LMAN2: variants seen among roughly 807,000 people sequenced by gnomAD.
LMAN2 encodes the protein lectin, mannose binding 2.
Under a neutral mutation model 39.3 loss-of-function variants are expected in LMAN2, and 22 were observed. The ratio of observed to expected loss-of-function variants is 0.56; its 90% confidence interval spans 0.40 to 0.80. The LOEUF is 0.80. LMAN2 is among the 30% of genes least tolerant of loss of function. LMAN2 has a pLI of 0.00. For synonymous variants in LMAN2, 207 were observed against 207.8 expected (o/e 1.00, Z 0.03); for missense variants, 494 against 505.4 (o/e 0.98, Z 0.22).
At chr5:177,338,808 A>G (rs2127315769) in intron 2 of LMAN2, among the ~76,000 whole-genome samples, 1 of 152,346 alleles carries the variant, frequency 6.6e-6, no homozygotes, top group East Asian at 1.9e-4. Flanking sequence ...GTTGGGCACC[A>G]GGTGAGGTGG....
intron 2 of LMAN2, among the ~76,000 whole-genome samples, chr5:177,345,371 TTCAATG>T (rs1761618620): frequency 6.7e-6 from 1 of 148,168 alleles, no homozygotes. Context: ...AAGCCACTCT[TTCAATG>T]TCAATGTGTA....
intron 2 of LMAN2, among the ~76,000 whole-genome samples, chr5:177,341,841 C>T (rs372895333): frequency 2.4e-3 from 364 of 152,290 alleles, no homozygotes; most frequent in South Asian, 9.5e-3. Context: ...AGGATCCTTG[C>T]ACTGTCCAGG....
Position 177,334,176 on chromosome 5 carries a change from C to T in LMAN2, c.910+108G>A, listed in dbSNP as rs982140522. 6.0e-6 allele frequency: 9 copies of T among 1,490,660 alleles called. No individual in the cohort carries two copies. The East Asian group carries it at 9.3e-5, about 15-fold the overall frequency. 92.3% of individuals were successfully genotyped at this position (1,490,660 alleles called of 1,614,324 possible). ...GACCGGGCTGATCCAAGAGCCCAGA[C>T]CACAACCACCACAACCACGACTGGA... On this transcript the variant is annotated intron_variant, in intron 7 of 7. Coordinates refer to ENST00000303127, the MANE Select transcript of LMAN2 (RefSeq NM_006816.3).
intron 2 of LMAN2, among the ~76,000 whole-genome samples, chr5:177,347,440 G>A (rs1393151086): frequency 6.6e-6 from 1 of 152,202 alleles, no homozygotes; most frequent in African/African-American, 2.4e-5. Context: ...CTGCAGATTA[G>A]TAGAGACATA....
Position 177,346,239 on chromosome 5 carries a change from G to A in LMAN2, c.315+4934C>T, listed in dbSNP as rs1446800373. The A allele has an allele frequency of 1.9e-5, 4 of 210,258 alleles. No homozygotes were observed. The East Asian group carries it at 3.0e-4, about 16-fold the overall frequency. 13.0% of individuals were successfully genotyped at this position (210,258 alleles called of 1,614,324 possible). A position where few individuals can be genotyped will look rare whatever the true frequency, so the allele number is the denominator to read the frequency against. ...TCAAAGTGAAAAGACCAGCTGGAAC[G>A]CCTATCAAGGCTTCGAGAATCACCA... On this transcript the variant is annotated intron_variant, in intron 2 of 7. Transcript: ENST00000303127.
At chr5:177,346,724 A>C (rs538637153) in intron 2 of LMAN2, among the ~76,000 whole-genome samples, 1 of 151,468 alleles carries the variant, frequency 6.6e-6, no homozygotes, top group South Asian at 2.1e-4. Flanking sequence ...CTGGTTTTGA[A>C]CTCCTTGACT....
chr5:177,341,367 T>TA (rs35086925), intron 2 of LMAN2, among the ~76,000 whole-genome samples: 4 of 151,340 alleles, frequency 2.6e-5, no homozygotes, highest in South Asian at 2.1e-4. Flanking sequence ...CGCCCGGCCA[T>TA]AAAAAAAATA....
intron 2 of LMAN2, among the ~76,000 whole-genome samples, chr5:177,349,166 C>A (rs1172752964): frequency 6.6e-6 from 1 of 152,140 alleles, no homozygotes; most frequent in Non-Finnish European, 1.5e-5. Context: ...AGCCACCAGG[C>A]ACTTAAGAGT....
At chr5:177,341,452 CG>C (rs1757055089) in intron 2 of LMAN2, among the ~76,000 whole-genome samples, 3 of 152,218 alleles carry the variant, frequency 2.0e-5, no homozygotes, top group Admixed American at 2.0e-4. Flanking sequence ...GCCTGACACC[CG>C]GCTTCACGGC....
At chr5:177,339,676 T>C (rs575293971) in intron 2 of LMAN2, among the ~76,000 whole-genome samples, 1 of 152,092 alleles carries the variant, frequency 6.6e-6, no homozygotes, top group African/African-American at 2.4e-5. Flanking sequence ...AAAAGACCAT[T>C]AACGTCCAAT....
At chr5:177,335,221 G>A (rs1241416333) in intron 6 of LMAN2, among the ~76,000 whole-genome samples, 2 of 152,236 alleles carry the variant, frequency 1.3e-5, no homozygotes, top group South Asian at 2.1e-4. Context: ...CACAGCCCTT[G>A]GAGACGGCGA....
chr5:177,348,494 C>T (rs974913861), intron 2 of LMAN2, among the ~76,000 whole-genome samples: 1 of 152,018 alleles, frequency 6.6e-6, no homozygotes, highest in East Asian at 1.9e-4. Flanking sequence ...GGAGACCAGC[C>T]TCGCAAACAT....
Position 177,334,344 on chromosome 5 carries a change from C to A in LMAN2, c.850G>T (p.Glu284Ter), listed in dbSNP as rs1161652078. The change falls in exon 7 of 8, where the codon GAG (glutamate) becomes TAG (stop). Residue 284 changes from glutamate (E) to a stop codon, truncating the protein, a stop_gained. Transcript: ENST00000303127. LOFTEE classifies it high-confidence loss of function. ...ATCTTGGTCCAGTCGATGCTCTCCT[C>A]GTCGGGCGTGTGCTCCACCATCAGC... ...FQLMVEHTPD[E>*]ESIDWTKIEP... The A allele has an allele frequency of 1.2e-6, 2 of 1,613,630 alleles. No homozygotes were observed. The highest frequency in any genetic ancestry group is 1.7e-6 in the Non-Finnish European group (2 of 1,180,018).
Position 177,331,992 on chromosome 5 carries a change from A to G in LMAN2, c.*94T>C. On this transcript the variant is annotated 3_prime_UTR_variant, in exon 8 of 8. Transcript: ENST00000303127. ...ATCATTTATTTGAAACAGTTAAGAA[A>G]TAAGGTCATCTTGTTGTTCTTTTAT... 1.6e-6 allele frequency: 2 copies of G among 1,283,060 alleles called. No homozygotes were observed. 79.5% of individuals were successfully genotyped at this position (1,283,060 alleles called of 1,614,324 possible). A position where few individuals can be genotyped will look rare whatever the true frequency, so the allele number is the denominator to read the frequency against.
chr5:177,338,724 C>A lies in LMAN2; in HGVS notation c.316-119G>T, dbSNP rs140560961. 1.2e-4 allele frequency: 90 copies of A among 780,078 alleles called. 2 individuals carry two copies. The highest frequency in any genetic ancestry group is 3.4e-4 in the African/African-American group (20 of 58,850). 48.3% of individuals were successfully genotyped at this position (780,078 alleles called of 1,614,324 possible). A position where few individuals can be genotyped will look rare whatever the true frequency, so the allele number is the denominator to read the frequency against. On this transcript the variant is annotated intron_variant, in intron 2 of 7. Transcript: ENST00000303127. ...TCTTCTCTCCCCAGCTAAGACTGGG[C>A]ACTCCTTGGCACAGGGCCACAAGTG...
rs1305496412 is a variant in LMAN2 at position 177,337,281 on chromosome 5, A to G, written c.676-31T>C. ...GGGCCCAGCACGCTAAGCACCTCGCAGGACAGCAGCCTGCCCTCCTGAGCC... is the reference window on the plus strand; with the variant it reads ...GGGCCCAGCACGCTAAGCACCTCGCGGGACAGCAGCCTGCCCTCCTGAGCC... On this transcript the variant is annotated intron_variant, in intron 5 of 7. Transcript: ENST00000303127. The surrounding 1 kb of genome is among the most constrained non-coding windows in gnomAD (Gnocchi z 8.2). 3.7e-6 allele frequency: 6 copies of G among 1,613,250 alleles called. No homozygotes were observed. The highest frequency in any genetic ancestry group is 1.3e-5 in the African/African-American group (1 of 75,044).
At chr5:177,345,732 CATGCATTTATTTATTT>C (rs1333857934) in intron 2 of LMAN2, among the ~76,000 whole-genome samples, 222 of 117,170 alleles carry the variant, frequency 1.9e-3, no homozygotes, top group Middle Eastern at 4.7e-3. Context: ...GCAGCCATGG[CATGCATTTATTTATTT>C]ATTTATTTAT....
rs1416000565 is a variant in LMAN2, at chr5:177,334,375, C to T, written c.819G>A (p.Leu273=). The T allele has an allele frequency of 6.2e-7, 1 of 1,613,502 alleles. No individual in the cohort carries two copies. Among genetic ancestry groups the T allele is most frequent in the Non-Finnish European group, 8.5e-7 (1 of 1,179,990 alleles). ...GCGTGTGCTCCACCATCAGCTGGAA[C>T]AGCTTCATGGAGATGATGTCATGAT... ...SDNHDIISMK[L]FQLMVEHTPD... is the part of the protein sequence containing the mutation. Residue 273 remains leucine, a synonymous_variant, in exon 7 of 8, where the codon CTG becomes CTA. Coordinates refer to ENST00000303127, the MANE Select transcript of LMAN2 (RefSeq NM_006816.3).
At chr5:177,340,006 CAGTG>C (rs1310294211) in intron 2 of LMAN2, among the ~76,000 whole-genome samples, 1 of 151,810 alleles carries the variant, frequency 6.6e-6, no homozygotes, top group Non-Finnish European at 1.5e-5. Context: ...ACAGAGGAAA[CAGTG>C]AGAGAGGCTA....
Sources: gnomAD v4.1 joint callset for allele counts (sites outside exome capture counted in the v4.1 genomes callset) on GRCh38, gnomAD v4.1.1 for gene constraint, Gnocchi (gnomAD v3.1) non-coding constraint, MANE v1.5 for transcripts, NCBI Gene and HGNC (gene_info 2026-07-23, HGNC 2026-07-21) for gene names.